Variants in SMOC1 observed in about 807,000 individuals in gnomAD.
SMOC1 encodes SPARC related modular calcium binding 1, also known as SPARC-related modular calcium-binding protein 1.
In SMOC1, 22 loss-of-function variants were observed where a neutral mutation model predicts 56.3. The ratio of observed to expected loss-of-function variants is 0.39; its 90% CI spans 0.28 to 0.56. The LOEUF is 0.56. SMOC1 is among the 20% of genes least tolerant of loss of function. The probability of loss-of-function intolerance (pLI) is 0.61; values close to 1 mark genes in which losing one functional copy is unlikely to be tolerated. For missense variants in SMOC1, 509 were observed against 565.4 expected, an observed-to-expected ratio of 0.90 and a Z score of 1.01; for synonymous variants, 193 against 215.0, an observed-to-expected ratio of 0.90 and a Z score of 0.89.
intron 3 of SMOC1, among the ~76,000 whole-genome samples, chr14:69,967,004 T>C (rs1353256256): frequency 1.3e-5 from 2 of 152,210 alleles, no homozygotes; most frequent in East Asian, 3.8e-4. Flanking sequence ...GCCTTCCTTA[T>C]AGCATCCTTC....
chr14:69,992,154 C>T (rs1884589076), intron 5 of SMOC1, among the ~76,000 whole-genome samples: 1 of 152,146 alleles, frequency 6.6e-6, no homozygotes, highest in African/African-American at 2.4e-5. Flanking sequence ...AGAAACGGTC[C>T]CCCAAAGCCA....
chr14:69,975,676 A>T (rs767340067), intron 3 of SMOC1, 39 bp from the exon 4 acceptor site: 2 of 1,472,430 alleles, frequency 1.4e-6, no homozygotes, highest in Non-Finnish European at 1.9e-6. Flanking sequence ...ATTGTGACCG[A>T]GACTTATGGT....
chr14:70,030,339 T>A lies in SMOC1; in HGVS notation c.*81T>A. ...GACACCTAACCTTCAGCGTTGCCCA[T>A]GGCCCTGCCACATCCCGTGTAACAT... On this transcript the variant is annotated 3_prime_UTR_variant, in exon 12 of 12. Transcript: ENST00000361956. The A allele has an allele frequency of 2.6e-6, 4 of 1,561,764 alleles. No homozygotes were observed. The highest frequency in any genetic ancestry group is 3.5e-6 in the Non-Finnish European group (4 of 1,139,492).
At chr14:69,953,391 A>G in intron 2 of SMOC1, 29 bp from the exon 3 acceptor site, 1 of 1,608,412 alleles carries the variant, frequency 6.2e-7, no homozygotes, top group Non-Finnish European at 8.5e-7. Context: ...TCCAAGTGAA[A>G]TATGAAATCT....
chr14:69,887,266 T>C (rs1163244767), intron 1 of SMOC1, among the ~76,000 whole-genome samples: 1 of 151,248 alleles, frequency 6.6e-6, no homozygotes, highest in East Asian at 1.9e-4. Context: ...AAAAAGTTTT[T>C]AGGACTACAT....
At chr14:69,979,570 A>T (rs552181707) in intron 5 of SMOC1, among the ~76,000 whole-genome samples, 1 of 152,182 alleles carries the variant, frequency 6.6e-6, no homozygotes, top group African/African-American at 2.4e-5. Flanking sequence ...GAAAAGGAAG[A>T]TGCCTTCAAG....
Position 70,031,690 on chromosome 14 carries a change from C to G in SMOC1, c.*1432C>G, listed in dbSNP as rs3742914. The G allele has an allele frequency of 3.3e-5, 5 of 152,286 alleles. No homozygotes were observed. The highest frequency in any genetic ancestry group is 6.5e-5 in the Admixed American group (1 of 15,292). 9.4% of individuals were successfully genotyped at this position (152,286 alleles called of 1,614,324 possible). ...GCGGATTCTAGGGTGGGCTGCCCAG[C>G]CTTCTGGTCTGAGGCGCAGCTCCCT... is the stretch of plus-strand genomic sequence containing the variant. On this transcript the variant is annotated 3_prime_UTR_variant, in exon 12 of 12. Transcript: ENST00000361956.
At chr14:69,926,423 G>T (rs1323475340) in intron 1 of SMOC1, among the ~76,000 whole-genome samples, 4 of 152,202 alleles carry the variant, frequency 2.6e-5, no homozygotes, top group African/African-American at 9.7e-5. Flanking sequence ...GGGACAGACT[G>T]CCAGTCCCGT....
chr14:70,006,872 T>C (rs369622456), intron 7 of SMOC1, among the ~76,000 whole-genome samples: 11 of 152,158 alleles, frequency 7.2e-5, no homozygotes, highest in African/African-American at 2.7e-4. Flanking sequence ...TTAGGGCAGC[T>C]TCCACAAAAG....
chr14:69,937,725 C>T (rs1240525553), intron 1 of SMOC1, among the ~76,000 whole-genome samples: 2 of 152,178 alleles, frequency 1.3e-5, no homozygotes, highest in Non-Finnish European at 2.9e-5. Flanking sequence ...TTGCCTGTGA[C>T]TTCGAAAGCA....
At chr14:69,984,915 A>C (rs61253398) in intron 5 of SMOC1, among the ~76,000 whole-genome samples, 2,232 of 151,464 alleles carry the variant, frequency 0.015, 50 homozygotes, top group African/African-American at 0.051. Flanking sequence ...GGTGATGTGC[A>C]CCTGTAATCC....
chr14:69,898,187 T>G (rs1884146050), intron 1 of SMOC1, among the ~76,000 whole-genome samples: 1 of 152,198 alleles, frequency 6.6e-6, no homozygotes, highest in Admixed American at 6.5e-5. Context: ...TGTATTTTCC[T>G]TTGGCTTCTT....
intron 1 of SMOC1, among the ~76,000 whole-genome samples, chr14:69,926,293 T>C (rs1410033332): frequency 6.6e-6 from 1 of 152,202 alleles, no homozygotes; most frequent in African/African-American, 2.4e-5. Context: ...GAAGGCTCAA[T>C]ACCAGGGCCA....
At chr14:69,904,666 G>C (rs77021250) in intron 1 of SMOC1, among the ~76,000 whole-genome samples, 69 of 152,336 alleles carry the variant, frequency 4.5e-4, no homozygotes, top group African/African-American at 1.6e-3. Context: ...CAGTGCAATA[G>C]CATGGGCCCT....
chr14:69,942,962 G>C (rs944117942), intron 1 of SMOC1, among the ~76,000 whole-genome samples: 14 of 152,168 alleles, frequency 9.2e-5, no homozygotes, highest in Admixed American at 2.6e-4. Flanking sequence ...TGGTGTAAGA[G>C]AGCCTTCTCC....
chr14:69,912,867 C>G (rs566352167), intron 1 of SMOC1, among the ~76,000 whole-genome samples: 7 of 152,314 alleles, frequency 4.6e-5, no homozygotes, highest in African/African-American at 1.7e-4. Context: ...TGGCTACTTT[C>G]TGCTTAGGAG....
chr14:69,990,539 T>G (rs1884524377), intron 5 of SMOC1, among the ~76,000 whole-genome samples: 1 of 152,188 alleles, frequency 6.6e-6, no homozygotes, highest in East Asian at 1.9e-4. Flanking sequence ...CACAACCAAA[T>G]GTGCATTGCA....
intron 11 of SMOC1, among the ~76,000 whole-genome samples, chr14:70,028,305 TG>T (rs1886005856): frequency 6.6e-6 from 1 of 152,174 alleles, no homozygotes; most frequent in Non-Finnish European, 1.5e-5. Context: ...TCTTTTGCCT[TG>T]TCTGAGGATG....
At chr14:69,997,746 T>C (rs1291404706) in intron 7 of SMOC1, among the ~76,000 whole-genome samples, 2 of 152,232 alleles carry the variant, frequency 1.3e-5, no homozygotes, top group East Asian at 1.9e-4. Context: ...ACCTTAATGA[T>C]AACTTATGTC....
Sources: gnomAD v4.1 joint callset for allele counts (sites outside exome capture counted in the v4.1 genomes callset) on GRCh38, gnomAD v4.1.1 for gene constraint, MANE v1.5 for transcripts, NCBI Gene and HGNC (gene_info 2026-07-23, HGNC 2026-07-21) for gene names.